The following ZNF217 variants were observed in gnomAD, a reference collection of about 807,000 sequenced individuals.
ZNF217 encodes zinc finger protein 217.
A neutral mutation model predicts 73.3 loss-of-function variants in ZNF217; 12 were observed. That is an observed-to-expected ratio of 0.16 (90% CI 0.10 to 0.27). The LOEUF is 0.27. ZNF217 is among the 10% of genes least tolerant of loss of function. ZNF217 has a pLI of 1.00. For synonymous variants in ZNF217, 588 were observed against 516.4 expected, an observed-to-expected ratio of 1.14 and a Z score of -1.88; for missense variants, 1,195 against 1,327.8, an observed-to-expected ratio of 0.90 and a Z score of 1.55.
chr20:53,574,928 C>T (rs1321255649), intron 4 of ZNF217: 1 of 152,454 alleles, frequency 6.6e-6, no homozygotes, highest in African/African-American at 2.4e-5. Flanking sequence ...AAGCTGGGGC[C>T]TCAACTGGCT....
At chr20:53,572,132 C>T (rs1021460135) in intron 4 of ZNF217, among the ~76,000 whole-genome samples, 14 of 152,082 alleles carry the variant, frequency 9.2e-5, no homozygotes, top group African/African-American at 3.4e-4. Context: ...ATACTTGAAA[C>T]GTATATGCAT....
chr20:53,576,834 T>C lies in ZNF217; in HGVS notation c.1930A>G (p.Lys644Glu), dbSNP rs775841430. ...TQANNLICRT[K>E]ADVTPPPDGS... ...TCCGGAGGAGGAGTAACATCCGCCT[T>C]GGTTCTACAGATGAGGTTATTTGCC... The change falls in exon 4 of 6, where the codon AAG (lysine) becomes GAG (glutamate). Residue 644 changes from lysine (K) to glutamate (E), a missense_variant. Physicochemically the swap from Lys to Glu is moderately conservative, Grantham distance 56. Coordinates refer to ENST00000371471, the MANE Select transcript of ZNF217 (RefSeq NM_006526.3). The C allele has an allele frequency of 5.0e-6, 8 of 1,614,096 alleles. No individual in the cohort carries two copies. The Admixed American group carries it at 1.2e-4, about 24-fold the overall frequency.
rs1988242443 is a variant in ZNF217, at chr20:53,575,965, C to G, written c.2799G>C (p.Gly933=). The G allele has an allele frequency of 1.9e-6, 3 of 1,614,160 alleles. No homozygotes were observed. The highest frequency in any genetic ancestry group is 1.3e-5 in the African/African-American group (1 of 75,030). Residue 933 remains glycine, a synonymous_variant, in exon 4 of 6, where the codon GGG becomes GGC. Coordinates refer to ENST00000371471, the MANE Select transcript of ZNF217 (RefSeq NM_006526.3). The part of the protein sequence containing the change: ...SVVALDVDQP[G]ANYRRGYDLP... ...GGTCATAGCCTCTTCTGTAATTGGCCCCGGGCTGGTCAACGTCAAGGGCAA... is the reference window on the plus strand; with the variant it reads ...GGTCATAGCCTCTTCTGTAATTGGCGCCGGGCTGGTCAACGTCAAGGGCAA...
rs938568030 is a variant in ZNF217 at position 53,591,358 on chromosome 20, T to C, written c.-343+2398A>G. On this transcript the variant is annotated intron_variant, in intron 1 of 5. Transcript: ENST00000371471. ...CATATCTTGTCCTCTACTTCCTCCT[T>C]CTGTAGGCAAATAAAGACAATTCTA... 1.1e-4 allele frequency among the ~76,000 whole-genome samples: 16 copies of C among 152,338 alleles called. 1 individual carries two copies. In the South Asian group the frequency reaches 1.4e-3, roughly 14 times the overall value.
At chr20:53,583,209 C>G in intron 1 of ZNF217, 41 bp from the exon 2 acceptor site, 1 of 405,200 alleles carries the variant, frequency 2.5e-6, no homozygotes. Flanking sequence ...ACACTCAGAG[C>G]GAAGAGAAGG....
intron 4 of ZNF217, chr20:53,575,234 A>G (rs1988203895): frequency 6.6e-6 from 1 of 152,498 alleles, no homozygotes; most frequent in Admixed American, 6.5e-5. Flanking sequence ...GTAGTCTAAG[A>G]TACTTGGGAG....
Position 53,575,779 on chromosome 20 carries a change from T to C in ZNF217, c.2985A>G (p.Pro995=), listed in dbSNP as rs570000634. Residue 995 remains proline (P), a synonymous_variant, in exon 4 of 6, where the codon CCA becomes CCG. Transcript: ENST00000371471. The part of the protein sequence containing the change: ...TVQKPYGGSG[P]LYTCVPAGSP... ...TACCAGCAGGCACACAAGTGTAAAG[T>C]GGCCCGGAGCCACCATAGGGCTTCT... is the stretch of plus-strand genomic sequence containing the variant. The C allele has an allele frequency of 6.2e-6, 10 of 1,609,716 alleles. No individual in the cohort carries two copies. The African/African-American group carries it at 8.0e-5, about 13-fold the overall frequency.
rs865939526 is a variant in ZNF217, at chr20:53,582,688, GAAC to G, written c.136_138del (p.Val46del). The stretch of plus-strand genomic sequence containing the variant: ...TTTTTTTCTTGTGTAGCTCGGAATG[GAAC>G]AACAGCGGTCCCTTTCATTGACAAG... On this transcript the variant is annotated inframe_deletion, in exon 2 of 6. Coordinates refer to ENST00000371471, the MANE Select transcript of ZNF217 (RefSeq NM_006526.3). The surrounding 1 kb of genome is among the most constrained non-coding windows in gnomAD (Gnocchi z 4.8). 5.0e-6 allele frequency: 8 copies of G among 1,614,004 alleles called. No homozygotes were observed. The highest frequency in any genetic ancestry group is 2.2e-5 in the East Asian group (1 of 44,886).
chr20:53,591,103 G>A (rs1260334725), intron 1 of ZNF217, among the ~76,000 whole-genome samples: 14 of 152,082 alleles, frequency 9.2e-5, no homozygotes, highest in Admixed American at 8.5e-4. Flanking sequence ...TCAGGGTAAA[G>A]GGGAGAAAAG....
At position 53,582,257 on chromosome 20, in the gene ZNF217, T is replaced by C; in HGVS notation, c.570A>G (p.Gln190=). 6.2e-7 allele frequency: 1 copy of C among 1,614,220 alleles called. No individual in the cohort carries two copies. Among genetic ancestry groups the C allele is most frequent in the Non-Finnish European group, 8.5e-7 (1 of 1,180,042 alleles). The part of the protein sequence containing the change: ...GKSGARSKLQ[Q]GLESSPATIN... ...TCGTTGCTGGACTACTCTCCAAGCC[T>C]TGCTGCAGTTTGCTTCTGGCCCCCG... The change falls in exon 2 of 6, where the codon CAA becomes CAG. Residue 190 remains glutamine, a synonymous_variant. Transcript: ENST00000371471. The surrounding 1 kb of genome is among the most constrained non-coding windows in gnomAD (Gnocchi z 4.8).
rs1250271393 is a variant in ZNF217, at chr20:53,593,832, G to A, written c.-419C>T. 2 of 135,680 alleles carry A rather than the reference G, an allele frequency of 1.5e-5. No individual in the cohort carries two copies. Among genetic ancestry groups the A allele is most frequent in the Admixed American group, 1.5e-4 (2 of 13,520 alleles). 8.4% of individuals were successfully genotyped at this position (135,680 alleles called of 1,614,324 possible). A position where few individuals can be genotyped will look rare whatever the true frequency, so the allele number is the denominator to read the frequency against. On this transcript the variant is annotated 5_prime_UTR_variant, in exon 1 of 6. Coordinates refer to ENST00000371471, the MANE Select transcript of ZNF217 (RefSeq NM_006526.3). ...AGCTGACACCACTCGGGCCGGCCGG[G>A]TTTGAATGAGGAGGAGCGGGCGCGG...
At chr20:53,588,134 A>G (rs1366522285) in intron 1 of ZNF217, among the ~76,000 whole-genome samples, 2 of 152,134 alleles carry the variant, frequency 1.3e-5, no homozygotes, top group East Asian at 1.9e-4. Context: ...CCAATTTTAA[A>G]TAGGATTAGA....
In ZNF217 at chr20:53,569,148, CAT is replaced by C. The variant is rs767409240; in HGVS notation, c.*138_*139del. On this transcript the variant is annotated 3_prime_UTR_variant, in exon 6 of 6. Coordinates refer to ENST00000371471, the MANE Select transcript of ZNF217 (RefSeq NM_006526.3). ...ACTGTAGTGTTCCTTGCAGATTCCT[CAT>C]ATGTTTTATGTACAGTACAATCACA... 15 of 1,341,166 alleles carry C rather than the reference CAT, an allele frequency of 1.1e-5. No homozygotes were observed. Among genetic ancestry groups the C allele is most frequent in the African/African-American group, 7.4e-5 (5 of 67,228 alleles). 83.1% of individuals were successfully genotyped at this position (1,341,166 alleles called of 1,614,324 possible).
In ZNF217 at chr20:53,576,638, C is replaced by A. The variant is rs534966356; in HGVS notation, c.2126G>T (p.Ser709Ile). The A allele has an allele frequency of 3.1e-6, 5 of 1,614,240 alleles. No homozygotes were observed. In the East Asian group the frequency reaches 1.1e-4, roughly 36 times the overall value. ...AISLSKSLIP[S>I]ITCPFCTFKT... Reference sequence around the variant, plus strand: ...GAAGGTACAAAATGGACAGGTGATACTTGGAATCAAACTTTTACTCAAAGA... The same window carrying A: ...GAAGGTACAAAATGGACAGGTGATAATTGGAATCAAACTTTTACTCAAAGA... The change falls in exon 4 of 6, where the codon AGT (serine) becomes ATT (isoleucine). Residue 709 changes from serine to isoleucine, a missense_variant. Physicochemically the swap from Ser to Ile is moderately radical, Grantham distance 142 (BLOSUM62 -2). Coordinates refer to ENST00000371471, the MANE Select transcript of ZNF217 (RefSeq NM_006526.3).
intron 4 of ZNF217, among the ~76,000 whole-genome samples, chr20:53,574,019 G>A (rs1432740676): frequency 6.6e-6 from 1 of 150,978 alleles, no homozygotes; most frequent in African/African-American, 2.4e-5. Context: ...GCAGTGAGCT[G>A]AGATCACACC....
At chr20:53,586,528 G>C (rs1461155249) in intron 1 of ZNF217, among the ~76,000 whole-genome samples, 2 of 152,048 alleles carry the variant, frequency 1.3e-5, no homozygotes, top group Non-Finnish European at 2.9e-5. Context: ...AAAATGCTGG[G>C]CATCCTAGGG....
chr20:53,586,744 C>T (rs1988708397), intron 1 of ZNF217, among the ~76,000 whole-genome samples: 1 of 152,196 alleles, frequency 6.6e-6, no homozygotes, highest in African/African-American at 2.4e-5. Flanking sequence ...AAATTCTAAT[C>T]TACTAACAGC....
chr20:53,571,054 CCA>C (rs950394715), intron 5 of ZNF217, among the ~76,000 whole-genome samples: 23 of 152,138 alleles, frequency 1.5e-4, no homozygotes, highest in African/African-American at 5.6e-4. Context: ...AAGGAGGTAG[CCA>C]CAGACAATAT....
chr20:53,583,533 A>T (rs778390335), intron 1 of ZNF217, among the ~76,000 whole-genome samples: 1 of 152,244 alleles, frequency 6.6e-6, no homozygotes, highest in Non-Finnish European at 1.5e-5. Context: ...AAATCTAAAG[A>T]CTATAAGAAC....
Sources: gnomAD v4.1 joint callset for allele counts (sites outside exome capture counted in the v4.1 genomes callset) on GRCh38, gnomAD v4.1.1 for gene constraint, Gnocchi (gnomAD v3.1) non-coding constraint, MANE v1.5 for transcripts, NCBI Gene and HGNC (gene_info 2026-07-23, HGNC 2026-07-21) for gene names.